VASH1: variants seen among roughly 807,000 people sequenced by gnomAD.
VASH1 encodes the protein vasohibin 1.
VASH1 carries 16 observed loss-of-function variants against 35.0 expected under a neutral mutation model. That is an observed-to-expected ratio of 0.46 (90% CI 0.31 to 0.70). The LOEUF (loss-of-function observed/expected upper bound fraction) is 0.70. VASH1 is among the 30% of genes least tolerant of loss of function. The probability of loss-of-function intolerance (pLI) is 0.05; values close to 1 mark genes in which losing one functional copy is unlikely to be tolerated. For missense variants in VASH1, 505 were observed against 510.7 expected (o/e 0.99, Z 0.11); for synonymous variants, 214 against 200.9 (o/e 1.07, Z -0.55).
At chr14:76,768,427 C>A (rs924690084) in intron 1 of VASH1, among the ~76,000 whole-genome samples, 7 of 152,150 alleles carry the variant, frequency 4.6e-5, no homozygotes, top group South Asian at 2.1e-4. Context: ...ACTCCCCAGA[C>A]AGGAAGGAGA....
rs1894113653 is a variant in VASH1, at chr14:76,781,761, C to T, written c.*2743C>T. The stretch of plus-strand genomic sequence containing the variant: ...TGGTGCTTTTTAAATTTATTTTTAA[C>T]TGTTTCTCATATGTAGCAACCCCTC... On this transcript the variant is annotated 3_prime_UTR_variant, in exon 7 of 7. Transcript: ENST00000167106. 6.5e-6 allele frequency: 1 copy of T among 152,768 alleles called. No individual in the cohort carries two copies. Among genetic ancestry groups the T allele is most frequent in the Non-Finnish European group, 1.5e-5 (1 of 68,172 alleles). 9.5% of individuals were successfully genotyped at this position (152,768 alleles called of 1,614,324 possible).
chr14:76,782,924 C>CT lies in VASH1; in HGVS notation c.*3909dup, dbSNP rs1168254313. On this transcript the variant is annotated 3_prime_UTR_variant, in exon 7 of 7. Coordinates refer to ENST00000167106, the MANE Select transcript of VASH1 (RefSeq NM_014909.5). ...ATCTCAGTATTGCCCCTTCCTTTCA[C>CT]TTTCACACTTCATCTCATTCCTGTT... The CT allele has an allele frequency of 1.2e-4, 19 of 152,810 alleles. No individual in the cohort carries two copies. Among genetic ancestry groups the CT allele is most frequent in the African/African-American group, 4.6e-4 (19 of 41,472 alleles). 9.5% of individuals were successfully genotyped at this position (152,810 alleles called of 1,614,324 possible).
intron 6 of VASH1, 39 bp from the exon 7 acceptor site, chr14:76,778,907 C>T (rs893774427): frequency 3.1e-6 from 5 of 1,603,836 alleles, no homozygotes; most frequent in South Asian, 2.2e-5. Flanking sequence ...CCTAACAGAC[C>T]ACTCACTCTC....
rs1893526444 is a variant in VASH1 at position 76,762,340 on chromosome 14, G to A, written c.-482G>A. 6.6e-6 allele frequency: 1 copy of A among 152,616 alleles called. No homozygotes were observed. The highest frequency in any genetic ancestry group is 1.5e-5 in the Non-Finnish European group (1 of 68,304). The allele number at this position is 152,616 out of a possible 1,614,324, so 9.5% of individuals were successfully genotyped here. On this transcript the variant is annotated 5_prime_UTR_variant, in exon 1 of 7. It removes the in-frame stop codon of an upstream open reading frame in the 5' UTR. Coordinates refer to ENST00000167106, the MANE Select transcript of VASH1 (RefSeq NM_014909.5). The stretch of plus-strand genomic sequence containing the variant: ...TCTTCCTTGGGGCGCGCGCAGATGT[G>A]AGCGTGCGAGAGTTGTGTAGGGGAT...
At position 76,762,829 on chromosome 14, in the gene VASH1, G is replaced by T. The variant is rs1024409355; in HGVS notation, c.8G>T (p.Gly3Val). MP[G>V]GKKVAGGGSS... ...CCCCTCGAAGATTTAGGGATGCCAG[G>T]GGGGAAGAAGGTGGCTGGGGGTGGC... The change falls in exon 1 of 7, where the codon GGG (glycine) becomes GTG (valine). Residue 3 changes from glycine to valine, a missense_variant. Coordinates refer to ENST00000167106, the MANE Select transcript of VASH1 (RefSeq NM_014909.5). 4 of 1,491,012 alleles carry T rather than the reference G, an allele frequency of 2.7e-6. No individual in the cohort carries two copies. Among genetic ancestry groups the T allele is most frequent in the East Asian group, 2.4e-5 (1 of 41,934 alleles). The allele number at this position is 1,491,012 out of a possible 1,614,324, so 92.4% of individuals were successfully genotyped here.
intron 1 of VASH1, among the ~76,000 whole-genome samples, chr14:76,763,882 T>C (rs1434211639): frequency 6.6e-6 from 1 of 152,228 alleles, no homozygotes; most frequent in Non-Finnish European, 1.5e-5. Flanking sequence ...TCATTCATCT[T>C]TGTCTTCCCA....
intron 1 of VASH1, among the ~76,000 whole-genome samples, chr14:76,768,858 G>A (rs901666470): frequency 2.0e-5 from 3 of 152,192 alleles, no homozygotes; most frequent in African/African-American, 7.2e-5. Flanking sequence ...GGCAGGGGGT[G>A]GGACCTCTCT....
intron 1 of VASH1, among the ~76,000 whole-genome samples, chr14:76,765,163 T>C (rs10137864): frequency 0.45 from 67,690 of 151,796 alleles, 16,109 homozygotes; most frequent in South Asian, 0.57. Flanking sequence ...GTGTGAATGG[T>C]TCCCTGCAGA....
intron 5 of VASH1, among the ~76,000 whole-genome samples, chr14:76,776,908 G>A (rs1004234372): frequency 2.0e-5 from 3 of 152,126 alleles, no homozygotes; most frequent in African/African-American, 7.2e-5. Context: ...CCTCCAGGCA[G>A]CCTGGAGCCT....
At chr14:76,768,878 G>A (rs1053406634) in intron 1 of VASH1, among the ~76,000 whole-genome samples, 1 of 152,178 alleles carries the variant, frequency 6.6e-6, no homozygotes, top group African/African-American at 2.4e-5. Flanking sequence ...TATGTGGGGA[G>A]CCTTACAGCT....
chr14:76,772,292 G>A (rs1235756572), intron 3 of VASH1, among the ~76,000 whole-genome samples: 1 of 152,192 alleles, frequency 6.6e-6, no homozygotes, highest in Non-Finnish European at 1.5e-5. Context: ...TTTACATCTT[G>A]CCCCACACAT....
intron 4 of VASH1, among the ~76,000 whole-genome samples, chr14:76,775,473 G>C (rs1267289164): frequency 6.6e-6 from 1 of 152,154 alleles, no homozygotes; most frequent in Non-Finnish European, 1.5e-5. Context: ...AGAGGACAGG[G>C]TGAGGGTAAG....
chr14:76,772,182 G>C (rs867048926), intron 3 of VASH1, among the ~76,000 whole-genome samples: 1 of 152,176 alleles, frequency 6.6e-6, no homozygotes, highest in African/African-American at 2.4e-5. Flanking sequence ...GGTGGTTACA[G>C]TGAGCCGAGA....
chr14:76,778,205 GGGAT>G, intron 6 of VASH1, 134 bp downstream of exon 6: 1 of 636,792 alleles, frequency 1.6e-6, no homozygotes, highest in Non-Finnish European at 2.4e-6. Flanking sequence ...GAGGTGACTT[GGGAT>G]GGTGGGTTTA....
intron 3 of VASH1, among the ~76,000 whole-genome samples, chr14:76,772,104 G>A (rs1197873076): frequency 6.6e-6 from 1 of 152,148 alleles, no homozygotes; most frequent in Non-Finnish European, 1.5e-5. Context: ...GCTGGGCGTG[G>A]TGGTGGGTGC....
intron 2 of VASH1, among the ~76,000 whole-genome samples, chr14:76,770,311 G>T (rs567116485): frequency 6.6e-6 from 1 of 152,266 alleles, no homozygotes; most frequent in Admixed American, 6.5e-5. Flanking sequence ...GTGTGATGGG[G>T]TAAAGAGAGG....
Position 76,779,906 on chromosome 14 carries a change from T to C in VASH1, c.*888T>C, listed in dbSNP as rs1173887190. On this transcript the variant is annotated 3_prime_UTR_variant, in exon 7 of 7. Transcript: ENST00000167106. ...GGAGCTGTGGCTGGACATGGGGTGATGGGGCGGGATGCTTGGGCCTGGGTC... is the reference window on the plus strand; with the variant it reads ...GGAGCTGTGGCTGGACATGGGGTGACGGGGCGGGATGCTTGGGCCTGGGTC... 2 of 247,902 alleles carry C rather than the reference T, an allele frequency of 8.1e-6. No individual in the cohort carries two copies. The highest frequency in any genetic ancestry group is 1.6e-5 in the Non-Finnish European group (2 of 128,474). 15.4% of individuals were successfully genotyped at this position (247,902 alleles called of 1,614,324 possible). A position where few individuals can be genotyped will look rare whatever the true frequency, so the allele number is the denominator to read the frequency against.
At chr14:76,763,330 C>T (rs1001649958) in intron 1 of VASH1, among the ~76,000 whole-genome samples, 200 bp downstream of exon 1, 15 of 152,158 alleles carry the variant, frequency 9.9e-5, no homozygotes, top group Non-Finnish European at 1.6e-4. Flanking sequence ...ACATTGTCTC[C>T]AGGAGGCCCT....
chr14:76,773,083 C>T (rs1275400531), intron 3 of VASH1, 54 bp from the exon 4 acceptor site: 2 of 1,571,334 alleles, frequency 1.3e-6, no homozygotes, highest in Non-Finnish European at 1.7e-6. Context: ...TTCTCACATT[C>T]CCCTGGAGGG....
Sources: gnomAD v4.1 joint callset for allele counts (sites outside exome capture counted in the v4.1 genomes callset) on GRCh38, gnomAD v4.1.1 for gene constraint, MANE v1.5 for transcripts, NCBI Gene and HGNC (gene_info 2026-07-23, HGNC 2026-07-21) for gene names.